Variants in EVC2 observed in about 807,000 individuals in gnomAD.
EVC2 encodes limbin.
Under a neutral mutation model 149.3 loss-of-function variants are expected in EVC2, and 148 were observed. That is an observed-to-expected ratio of 0.99 (90% CI 0.87 to 1.14). The LOEUF is 1.14. Among genes scored for constraint, EVC2 ranks in the 50% most tolerant of loss-of-function variants. EVC2 has a pLI of 0.00. For missense variants in EVC2, 1,854 were observed against 1,627.3 expected (o/e 1.14, Z -2.40); for synonymous variants, 776 against 649.9 (o/e 1.19, Z -2.95).
chr4:5,686,178 AT>A lies in EVC2; in HGVS notation c.707-700del, dbSNP rs1163101125. On this transcript the variant is annotated intron_variant, in intron 5 of 21. Coordinates refer to ENST00000344408, the MANE Select transcript of EVC2 (RefSeq NM_147127.5). The surrounding 1 kb of genome is among the most constrained non-coding windows in gnomAD (Gnocchi z 5.4). ...TCACTTAGCCTAAGGAATCACTGGCATTTTTGTTTTAAAAATCCTCAACATT... is the reference window on the plus strand; with the variant it reads ...TCACTTAGCCTAAGGAATCACTGGCATTTTGTTTTAAAAATCCTCAACATT... Among the ~76,000 whole-genome samples, 1 of 151,824 alleles carries A rather than the reference AT, an allele frequency of 6.6e-6. No individual in the cohort carries two copies. The highest frequency in any genetic ancestry group is 1.5e-5 in the Non-Finnish European group (1 of 67,980).
chr4:5,593,968 C>A (rs531492167), intron 16 of EVC2, among the ~76,000 whole-genome samples: 23 of 152,350 alleles, frequency 1.5e-4, no homozygotes, highest in African/African-American at 4.3e-4. Flanking sequence ...TCGCTGATTG[C>A]TAGCACGGCA....
chr4:5,549,249 C>T (rs193276448), intron 21 of EVC2, among the ~76,000 whole-genome samples: 4 of 152,324 alleles, frequency 2.6e-5, no homozygotes, highest in Admixed American at 2.0e-4. Flanking sequence ...TTAACCTGTA[C>T]TGGGTACCCG....
intron 17 of EVC2, among the ~76,000 whole-genome samples, chr4:5,578,256 G>C (rs140448775): frequency 1.3e-5 from 2 of 152,106 alleles, no homozygotes; most frequent in Non-Finnish European, 2.9e-5. Context: ...AGTCAGCACA[G>C]TGCATAGCTC....
At position 5,625,773 on chromosome 4, in the gene EVC2, C is replaced by G; in HGVS notation, c.2022G>C (p.Lys674Asn). ...CCTTTTGTAGCAACTCTCGTCTTCT[C>G]TTAGTTATTAATTTTTGGTGGAGCT... ...KKKLHQKLIT[K>N]RRRELLQKHR... The change falls in exon 13 of 22, where the codon AAG (lysine) becomes AAC (asparagine). Residue 674 changes from lysine to asparagine, a missense_variant. Coordinates refer to ENST00000344408, the MANE Select transcript of EVC2 (RefSeq NM_147127.5). This position sits in a 1 kb window ranked among gnomAD's most constrained non-coding sequence, Gnocchi z 4.0. 3.1e-6 allele frequency: 5 copies of G among 1,614,116 alleles called. No individual in the cohort carries two copies. The highest frequency in any genetic ancestry group is 4.2e-6 in the Non-Finnish European group (5 of 1,180,034).
At chr4:5,541,000 C>A (rs575494657), downstream of EVC2, among the ~76,000 whole-genome samples, 3 of 152,142 alleles carry the variant, frequency 2.0e-5, no homozygotes, top group Non-Finnish European at 4.4e-5. Flanking sequence ...CTAAGCATTC[C>A]CCATCATTGC....
the EVC2 span, among the ~76,000 whole-genome samples, chr4:5,535,625 G>GAGAGAGAGAGATAGAGAT: frequency 6.8e-4 from 103 of 150,568 alleles, no homozygotes; most frequent in African/African-American, 2.4e-3. The surrounding 1 kb of genome is among the most constrained non-coding windows in gnomAD (Gnocchi z 4.7). Context: ...GAGAGAGAGA[G>GAGAGAGAGAGATAGAGAT]AGAGAGAGAA....
chr4:5,563,768 C>A (rs1722096140), intron 21 of EVC2, among the ~76,000 whole-genome samples: 1 of 152,104 alleles, frequency 6.6e-6, no homozygotes, highest in South Asian at 2.1e-4. Flanking sequence ...CCCCCCTCCC[C>A]ACAAGCCAAT....
chr4:5,574,548 T>TGGG (rs1246419672), intron 19 of EVC2, 137 bp downstream of exon 19: 26 of 855,738 alleles, frequency 3.0e-5, no homozygotes, highest in Non-Finnish European at 4.9e-5. Flanking sequence ...TGCTAGAGCT[T>TGGG]CGCACACATC....
downstream of EVC2, among the ~76,000 whole-genome samples, chr4:5,559,232 G>A (rs1329513332): frequency 3.3e-5 from 5 of 151,988 alleles, no homozygotes; most frequent in East Asian, 3.9e-4. The surrounding 1 kb of genome is among the most constrained non-coding windows in gnomAD (Gnocchi z 5.0). Context: ...AAAAGAAAAC[G>A]GGAGAAAGCC....
intron 16 of EVC2, among the ~76,000 whole-genome samples, chr4:5,594,088 C>A: frequency 6.6e-6 from 1 of 152,164 alleles, no homozygotes; most frequent in Non-Finnish European, 1.5e-5. Flanking sequence ...TGGGTGGAGC[C>A]CACCACAGCT....
chr4:5,643,072 T>C (rs1420982828), intron 9 of EVC2, among the ~76,000 whole-genome samples: 1 of 152,210 alleles, frequency 6.6e-6, no homozygotes, highest in Non-Finnish European at 1.5e-5. Flanking sequence ...AATATGTACA[T>C]GCATATCTAC....
chr4:5,551,023 A>G (rs1337146585), intron 21 of EVC2, among the ~76,000 whole-genome samples: 1 of 152,222 alleles, frequency 6.6e-6, no homozygotes, highest in Non-Finnish European at 1.5e-5. Flanking sequence ...AAATGCCTGG[A>G]TGTCCAGGCA....
At position 5,689,208 on chromosome 4, in the gene EVC2, C is replaced by A. The variant is rs745404766; in HGVS notation, c.655G>T (p.Gly219Ter). Residue 219 changes from glycine (G) to a stop codon, truncating the protein, a stop_gained, in exon 5 of 22, where the codon GGA becomes TGA. Transcript: ENST00000344408. LOFTEE classifies it high-confidence loss of function. ...TGGAATCCTTCCGAGGTCCTGTTTC[C>A]CACAGAGTCCCAAATGGTGAGACCA... ...IAGLTIWDSV[G>*]NRTSEGFQAF... 1.9e-6 allele frequency: 3 copies of A among 1,614,218 alleles called. No individual in the cohort carries two copies. Among genetic ancestry groups the A allele is most frequent in the Non-Finnish European group, 2.5e-6 (3 of 1,180,038 alleles).
At chr4:5,594,019 G>A (rs566864558) in intron 16 of EVC2, among the ~76,000 whole-genome samples, 3 of 152,302 alleles carry the variant, frequency 2.0e-5, no homozygotes, top group African/African-American at 4.8e-5. Context: ...GGCTGGGGGA[G>A]GGGTGCCCGC....
chr4:5,562,288 G>A (rs966750469), downstream of EVC2: 6 of 210,202 alleles, frequency 2.9e-5, no homozygotes, highest in African/African-American at 1.2e-4. This position sits in a 1 kb window ranked among gnomAD's most constrained non-coding sequence, Gnocchi z 4.3. Context: ...AACTGGTGAC[G>A]GTAGACCCCA....
rs1192584069 is a variant in EVC2 at position 5,694,511 on chromosome 4, A to G, written c.284-10T>C. 3.7e-6 allele frequency: 6 copies of G among 1,614,230 alleles called. No individual in the cohort carries two copies. Among genetic ancestry groups the G allele is most frequent in the Non-Finnish European group, 5.1e-6 (6 of 1,180,048 alleles). On this transcript the variant is annotated splice_polypyrimidine_tract_variant and intron_variant, in intron 2 of 21. Transcript: ENST00000344408. ...CCAAGTGGTGCTTCCACTGCAAAAC[A>G]ACAACACACCCGTTTTATATAATGC...
chr4:5,706,445 G>C (rs4689283), intron 1 of EVC2, among the ~76,000 whole-genome samples: 13,169 of 25,584 alleles, frequency 0.51, 4,310 homozygotes, highest in Non-Finnish European at 0.55. Flanking sequence ...TAGATAGATA[G>C]ATACATACAT....
At chr4:5,589,174 G>C (rs1290035112) in intron 16 of EVC2, among the ~76,000 whole-genome samples, 1 of 152,204 alleles carries the variant, frequency 6.6e-6, no homozygotes, top group Admixed American at 6.5e-5. Flanking sequence ...CTTGGAAACA[G>C]GCTAACCTTT....
At chr4:5,632,114 CA>C (rs1407934135) in intron 10 of EVC2, 82 bp from the exon 11 acceptor site, 3 of 1,548,434 alleles carry the variant, frequency 1.9e-6, no homozygotes, top group Non-Finnish European at 2.6e-6. Flanking sequence ...TGTGTACAGG[CA>C]CATGTGCACA....
Sources: allele counts gnomAD v4.1 joint callset (sites outside exome capture counted in the v4.1 genomes callset), GRCh38; gene constraint gnomAD v4.1.1; non-coding constraint Gnocchi (gnomAD v3.1); transcripts MANE v1.5; gene names NCBI Gene and HGNC (gene_info 2026-07-23, HGNC 2026-07-21).